The following ANKRD33B variants were observed in gnomAD, a reference collection of about 807,000 sequenced individuals.
ANKRD33B encodes the protein ankyrin repeat domain 33B.
A neutral mutation model predicts 21.5 loss-of-function variants in ANKRD33B; 6 were observed. The ratio of observed to expected loss-of-function variants is 0.28; its 90% CI spans 0.15 to 0.55. The LOEUF (loss-of-function observed/expected upper bound fraction) is 0.55, where lower values mean the gene tolerates loss of function less well. Among genes scored for constraint, ANKRD33B ranks in the 20% least tolerant of loss-of-function variants. The pLI, the probability that ANKRD33B is intolerant of heterozygous loss-of-function variation, is 0.94. For synonymous variants in ANKRD33B, 347 were observed against 342.4 expected, an observed-to-expected ratio of 1.01 and a Z score of -0.15; for missense variants, 698 against 747.2, an observed-to-expected ratio of 0.93 and a Z score of 0.77.
In ANKRD33B at chr5:10,650,689, A is replaced by T. The variant is rs190758884; in HGVS notation, c.*576A>T. 1 of 152,372 alleles carries T rather than the reference A, an allele frequency of 6.6e-6. No individual in the cohort carries two copies. Among genetic ancestry groups the T allele is most frequent in the Admixed American group, 6.5e-5 (1 of 15,284 alleles). 9.4% of individuals were successfully genotyped at this position (152,372 alleles called of 1,614,324 possible). On this transcript the variant is annotated 3_prime_UTR_variant, in exon 4 of 4. Transcript: ENST00000296657. ...TAGTCATTAGATTAAGTGTTGCCGG[A>T]TATTTCTATTTGACGGAGGCATTGG...
At chr5:10,626,340 G>A (rs1483200255) in intron 2 of ANKRD33B, among the ~76,000 whole-genome samples, 2 of 152,234 alleles carry the variant, frequency 1.3e-5, no homozygotes, top group Admixed American at 1.3e-4. Context: ...CAGCTGCCAA[G>A]TGGTCTTTAG....
chr5:10,633,361 A>C (rs1205394919), intron 2 of ANKRD33B, among the ~76,000 whole-genome samples: 2 of 152,214 alleles, frequency 1.3e-5, no homozygotes, highest in African/African-American at 4.8e-5. Context: ...GGCCTCCCAG[A>C]GTGCTGGGAT....
At chr5:10,602,532 C>T (rs968388603) in intron 1 of ANKRD33B, among the ~76,000 whole-genome samples, 6 of 152,224 alleles carry the variant, frequency 3.9e-5, no homozygotes, top group Non-Finnish European at 7.3e-5. Context: ...TTTGTGAAAA[C>T]ATTGCCTTGA....
At chr5:10,593,920 T>G (rs1421042717) in intron 1 of ANKRD33B, among the ~76,000 whole-genome samples, 1 of 152,168 alleles carries the variant, frequency 6.6e-6, no homozygotes, top group Non-Finnish European at 1.5e-5. Context: ...ACCCAAGGCC[T>G]GTGCTGTCTC....
intron 1 of ANKRD33B, among the ~76,000 whole-genome samples, chr5:10,598,956 A>T (rs375504167): frequency 6.6e-6 from 1 of 152,220 alleles, no homozygotes; most frequent in African/African-American, 2.4e-5. Context: ...ATTCTAAGTG[A>T]ACAGCCGTAT....
intron 3 of ANKRD33B, among the ~76,000 whole-genome samples, chr5:10,642,789 C>G (rs529486022): frequency 1.3e-5 from 2 of 152,264 alleles, no homozygotes; most frequent in South Asian, 2.1e-4. Flanking sequence ...TTGTTTTTCC[C>G]TTTGAGAAAT....
intron 1 of ANKRD33B, among the ~76,000 whole-genome samples, chr5:10,595,548 C>T (rs947801902): frequency 7.9e-5 from 12 of 152,260 alleles, no homozygotes; most frequent in African/African-American, 2.4e-4. Flanking sequence ...TCATTCACAG[C>T]GACCGGGGTT....
At chr5:10,618,609 C>T in intron 2 of ANKRD33B, 147 bp downstream of exon 2, 5 of 1,221,140 alleles carry the variant, frequency 4.1e-6, no homozygotes, top group Non-Finnish European at 5.5e-6. Flanking sequence ...GGGCTGATTG[C>T]TGTGACCACA....
rs1206604867 is a variant in ANKRD33B, at chr5:10,650,374, C to T, written c.*261C>T. On this transcript the variant is annotated 3_prime_UTR_variant, in exon 4 of 4. Transcript: ENST00000296657. Reference sequence around the variant, plus strand: ...GCCTAAAAGGCTCCCTTTAGAGAACCTCAATTAAGATTTTTTTTAAAGATC... The same window carrying T: ...GCCTAAAAGGCTCCCTTTAGAGAACTTCAATTAAGATTTTTTTTAAAGATC... 7 of 304,788 alleles carry T rather than the reference C, an allele frequency of 2.3e-5. No homozygotes were observed. The highest frequency in any genetic ancestry group is 4.2e-5 in the Non-Finnish European group (7 of 166,640). The allele number at this position is 304,788 out of a possible 1,614,324, so 18.9% of individuals were successfully genotyped here.
In ANKRD33B at chr5:10,656,357, G is replaced by C. The variant is rs1447733642; in HGVS notation, c.*6244G>C. The C allele has an allele frequency of 2.6e-5, 4 of 152,418 alleles. No individual in the cohort carries two copies. Among genetic ancestry groups the C allele is most frequent in the Non-Finnish European group, 1.5e-5 (1 of 68,068 alleles). The allele number at this position is 152,418 out of a possible 1,614,324, so 9.4% of individuals were successfully genotyped here. ...TGACTAAGACTTGATAAAAGGCACA[G>C]CCCTTGGCAGCAGGCAGTGCCAATG... On this transcript the variant is annotated 3_prime_UTR_variant, in exon 4 of 4. Coordinates refer to ENST00000296657, the MANE Select transcript of ANKRD33B (RefSeq NM_001164440.2).
At chr5:10,574,384 T>A (rs1735270119) in intron 1 of ANKRD33B, among the ~76,000 whole-genome samples, 1 of 152,222 alleles carries the variant, frequency 6.6e-6, no homozygotes, top group South Asian at 2.1e-4. Flanking sequence ...AACACCATGT[T>A]CTCTGAATTT....
chr5:10,619,428 C>A lies in ANKRD33B; in HGVS notation c.496+966C>A, dbSNP rs1736363625. The stretch of plus-strand genomic sequence containing the variant: ...GGCTGTTGCTGTCACCAAAAGGAGA[C>A]CTCCTTGTCCCTTGTTGCTTCACAA... On this transcript the variant is annotated intron_variant, in intron 2 of 3. Coordinates refer to ENST00000296657, the MANE Select transcript of ANKRD33B (RefSeq NM_001164440.2). The surrounding 1 kb of genome is among the most constrained non-coding windows in gnomAD (Gnocchi z 4.5). 1 of 964,636 alleles carries A rather than the reference C, an allele frequency of 1.0e-6. No homozygotes were observed. Among genetic ancestry groups the A allele is most frequent in the African/African-American group, 1.8e-5 (1 of 56,760 alleles). 59.8% of individuals were successfully genotyped at this position (964,636 alleles called of 1,614,324 possible).
chr5:10,613,338 G>A (rs922307504), intron 1 of ANKRD33B, among the ~76,000 whole-genome samples: 1 of 149,726 alleles, frequency 6.7e-6, no homozygotes, highest in Non-Finnish European at 1.5e-5. Flanking sequence ...AGGCTGGAGT[G>A]CAGTGGCACG....
rs1737517984 is a variant in ANKRD33B, at chr5:10,657,532, T to G, written c.*7419T>G. On this transcript the variant is annotated 3_prime_UTR_variant, in exon 4 of 4. Transcript: ENST00000296657. ...AATTTCATAGTGTTTTATTTTGAGG[T>G]GAGAGTTTTGTTATAGTTTATAAAA... 1 of 152,322 alleles carries G rather than the reference T, an allele frequency of 6.6e-6. No homozygotes were observed. Among genetic ancestry groups the G allele is most frequent in the South Asian group, 2.1e-4 (1 of 4,834 alleles). 9.4% of individuals were successfully genotyped at this position (152,322 alleles called of 1,614,324 possible).
In ANKRD33B at chr5:10,619,154, T is replaced by G. The variant is rs1736355317; in HGVS notation, c.496+692T>G. 4.4e-6 allele frequency: 1 copy of G among 228,090 alleles called. No individual in the cohort carries two copies. The highest frequency in any genetic ancestry group is 6.5e-5 in the Admixed American group (1 of 15,352). The allele number at this position is 228,090 out of a possible 1,614,324, so 14.1% of individuals were successfully genotyped here. ...TCACACTTCATTTGGAACAGTGGTC[T>G]TGACCAGGTTTATCACTGACCCCTT... is the stretch of plus-strand genomic sequence containing the variant. On this transcript the variant is annotated intron_variant, in intron 2 of 3. Coordinates refer to ENST00000296657, the MANE Select transcript of ANKRD33B (RefSeq NM_001164440.2). This position sits in a 1 kb window ranked among gnomAD's most constrained non-coding sequence, Gnocchi z 4.5.
At chr5:10,641,014 G>C (rs1466720163) in intron 3 of ANKRD33B, among the ~76,000 whole-genome samples, 2 of 152,134 alleles carry the variant, frequency 1.3e-5, no homozygotes, top group African/African-American at 4.8e-5. Flanking sequence ...TACTATTCCA[G>C]TGGGTCTGAA....
chr5:10,630,500 G>A (rs1055939079), intron 2 of ANKRD33B, among the ~76,000 whole-genome samples: 2 of 152,182 alleles, frequency 1.3e-5, no homozygotes, highest in African/African-American at 4.8e-5. Flanking sequence ...TGAAGAAGAT[G>A]GGCCATTAGT....
At chr5:10,591,665 TTTACA>T (rs1205033330) in intron 1 of ANKRD33B, among the ~76,000 whole-genome samples, 1 of 152,198 alleles carries the variant, frequency 6.6e-6, no homozygotes, top group African/African-American at 2.4e-5. Context: ...AATATTTTAA[TTTACA>T]TTATTTTGCT....
rs1735008978 is a variant in ANKRD33B at position 10,564,785 on chromosome 5, G to T, written c.318G>T (p.Arg106=). ...TGGGGCTGCTGCGGACGCTGGTGCG[G>T]CGCGGGGTGAGCGTCGAGGAGGCGC... is the stretch of plus-strand genomic sequence containing the variant. ...NNVGLLRTLV[R]RGVSVEEAQE... is the part of the protein sequence containing the mutation. Residue 106 remains arginine (R), a synonymous_variant, in exon 1 of 4, where the codon CGG becomes CGT. Coordinates refer to ENST00000296657, the MANE Select transcript of ANKRD33B (RefSeq NM_001164440.2). 6.6e-7 allele frequency: 1 copy of T among 1,524,354 alleles called. No homozygotes were observed. The highest frequency in any genetic ancestry group is 2.5e-5 in the East Asian group (1 of 40,574). 94.4% of individuals were successfully genotyped at this position (1,524,354 alleles called of 1,614,324 possible).
Sources: allele counts gnomAD v4.1 joint callset (sites outside exome capture counted in the v4.1 genomes callset), GRCh38; gene constraint gnomAD v4.1.1; non-coding constraint Gnocchi (gnomAD v3.1); transcripts MANE v1.5; gene names NCBI Gene and HGNC (gene_info 2026-07-23, HGNC 2026-07-21).